GBP2: variants seen among roughly 807,000 people sequenced by gnomAD.
GBP2 encodes guanylate binding protein 2, also known as guanylate-binding protein 2.
GBP2 carries 54 observed loss-of-function variants against 60.8 expected under a neutral mutation model. That is an observed-to-expected ratio of 0.89 (90% CI 0.71 to 1.11). GBP2 has a LOEUF of 1.11. GBP2 is among the 50% of genes most tolerant of loss of function. GBP2 has a pLI of 0.00. For missense variants in GBP2, 665 were observed against 703.3 expected, an observed-to-expected ratio of 0.95 and a Z score of 0.62; for synonymous variants, 243 against 256.5, an observed-to-expected ratio of 0.95 and a Z score of 0.50.
At chr1:89,123,341 T>C (rs1681450136) in intron 1 of GBP2, among the ~76,000 whole-genome samples, 1 of 152,218 alleles carries the variant, frequency 6.6e-6, no homozygotes, top group African/African-American at 2.4e-5. Context: ...AGCACATGAA[T>C]ACACACATCT....
At chr1:89,120,009 T>G (rs1476422600) in intron 4 of GBP2, 170 bp downstream of exon 4, 2 of 582,268 alleles carry the variant, frequency 3.4e-6, no homozygotes, top group African/African-American at 3.8e-5. Context: ...TGGGAAGACT[T>G]GAAGTTCAGA....
chr1:89,120,359 A>C (rs112381077), intron 3 of GBP2, 71 bp from the exon 4 acceptor site: 1 of 1,193,346 alleles, frequency 8.4e-7, no homozygotes, highest in Non-Finnish European at 1.3e-6. Context: ...ATAGCTGAAG[A>C]CTGACTGAAC....
rs1429297015 is a variant in GBP2, at chr1:89,112,697, A to G, written c.1150-13T>C. 5 of 1,595,934 alleles carry G rather than the reference A, an allele frequency of 3.1e-6. No individual in the cohort carries two copies. The African/African-American group carries it at 4.0e-5, about 13-fold the overall frequency. On this transcript the variant is annotated splice_polypyrimidine_tract_variant and intron_variant, in intron 7 of 10. Transcript: ENST00000370466. ...CTTCCAACTGGGCCTGTGAAGTGAC[A>G]AAACAGCACAGATGTTTCAGTAAAG... is the stretch of plus-strand genomic sequence containing the variant.
In GBP2 at chr1:89,126,110, A is replaced by C. The variant is rs1054322398; in HGVS notation, c.-265T>G. 3 of 152,248 alleles carry C rather than the reference A, an allele frequency of 2.0e-5. No homozygotes were observed. Among genetic ancestry groups the C allele is most frequent in the Non-Finnish European group, 4.4e-5 (3 of 68,044 alleles). The allele number at this position is 152,248 out of a possible 1,614,324, so 9.4% of individuals were successfully genotyped here. On this transcript the variant is annotated 5_prime_UTR_variant, in exon 1 of 11. In the 5' UTR this introduces an upstream ATG that the reference lacks. Coordinates refer to ENST00000370466, the MANE Select transcript of GBP2 (RefSeq NM_004120.5). ...GGTAACCTCTGCAAAGAAATGCACT[A>C]ATATGAAACAAAGTATCAACTAAAG... is the stretch of plus-strand genomic sequence containing the variant.
At position 89,125,873 on chromosome 1, in the gene GBP2, G is replaced by A. The variant is rs1408040351; in HGVS notation, c.-28C>T. 1 of 152,202 alleles carries A rather than the reference G, an allele frequency of 6.6e-6. No individual in the cohort carries two copies. Among genetic ancestry groups the A allele is most frequent in the Non-Finnish European group, 1.5e-5 (1 of 68,046 alleles). The allele number at this position is 152,202 out of a possible 1,614,324, so 9.4% of individuals were successfully genotyped here. A position where few individuals can be genotyped will look rare whatever the true frequency, so the allele number is the denominator to read the frequency against. ...CTGCCCCAGTCTTACCCAGATCAGA[G>A]ATCCTTTAGCACTGGAAAGAAGGTT... On this transcript the variant is annotated 5_prime_UTR_variant, in exon 1 of 11. Coordinates refer to ENST00000370466, the MANE Select transcript of GBP2 (RefSeq NM_004120.5).
rs1179237760 is a variant in GBP2, at chr1:89,117,664, G to A, written c.538C>T (p.Leu180Phe). 9 of 1,614,072 alleles carry A rather than the reference G, an allele frequency of 5.6e-6. No individual in the cohort carries two copies. The highest frequency in any genetic ancestry group is 7.6e-6 in the Non-Finnish European group (9 of 1,179,972). ...VSFFPAFVWT[L>F]RDFTLELEVD... ...TCCAGTTCCAGGGTGAAATCTCTGA[G>A]AGTCCACACAAATGCTGGAAAAAAG... is the stretch of plus-strand genomic sequence containing the variant. The change falls in exon 5 of 11, where the codon CTC (leucine) becomes TTC (phenylalanine). Residue 180 changes from leucine to phenylalanine, a missense_variant. By Grantham distance (22) the Leu-to-Phe change is conservative (BLOSUM62 0). Coordinates refer to ENST00000370466, the MANE Select transcript of GBP2 (RefSeq NM_004120.5).
intron 7 of GBP2, 143 bp from the exon 8 acceptor site, chr1:89,112,827 G>C: frequency 1.6e-6 from 1 of 634,116 alleles, no homozygotes. Flanking sequence ...TTAGATCCTA[G>C]AATATCCCTA....
At chr1:89,110,350 G>T in intron 8 of GBP2, 84 bp from the exon 9 acceptor site, 1 of 962,860 alleles carries the variant, frequency 1.0e-6, no homozygotes, top group South Asian at 1.4e-5. Flanking sequence ...TCTACCCAGA[G>T]GAAAATAAGT....
At position 89,118,359 on chromosome 1, in the gene GBP2, C is replaced by T. The variant is rs201130600; in HGVS notation, c.429-586G>A. On this transcript the variant is annotated intron_variant, in intron 4 of 10. Coordinates refer to ENST00000370466, the MANE Select transcript of GBP2 (RefSeq NM_004120.5). Reference sequence around the variant, plus strand: ...GACAGAGATCACAGACCCTTCAAGGCCCTTAGATAGGAAATTACTGAGTGT... The same window carrying T: ...GACAGAGATCACAGACCCTTCAAGGTCCTTAGATAGGAAATTACTGAGTGT... 3.3e-5 allele frequency: 5 copies of T among 152,236 alleles called. No individual in the cohort carries two copies. The East Asian group carries it at 9.6e-4, about 29-fold the overall frequency. 9.4% of individuals were successfully genotyped at this position (152,236 alleles called of 1,614,324 possible). A position where few individuals can be genotyped will look rare whatever the true frequency, so the allele number is the denominator to read the frequency against.
At chr1:89,121,379 C>T (rs1681393802) in intron 2 of GBP2, 109 bp from the exon 3 acceptor site, 1 of 966,684 alleles carries the variant, frequency 1.0e-6, no homozygotes, top group Non-Finnish European at 1.5e-6. Flanking sequence ...GAAAATACAA[C>T]TGGCATAAAT....
At chr1:89,108,529 C>T (rs1681098619) in intron 10 of GBP2, among the ~76,000 whole-genome samples, 1 of 152,176 alleles carries the variant, frequency 6.6e-6, no homozygotes, top group African/African-American at 2.4e-5. Context: ...ACCATTTGCA[C>T]TCATGCAACA....
intron 8 of GBP2, among the ~76,000 whole-genome samples, chr1:89,110,959 T>C (rs1681154297): frequency 6.6e-6 from 1 of 152,220 alleles, no homozygotes; most frequent in East Asian, 1.9e-4. Flanking sequence ...TCACTCATCA[T>C]GACCAAGTGG....
chr1:89,113,845 A>T (rs1332840057), intron 7 of GBP2, among the ~76,000 whole-genome samples, 171 bp downstream of exon 7: 4 of 152,198 alleles, frequency 2.6e-5, no homozygotes, highest in Non-Finnish European at 5.9e-5. Context: ...TTAGTAAAAA[A>T]TTAGGTGTCT....
At chr1:89,110,506 C>A (rs1191898119) in intron 8 of GBP2, among the ~76,000 whole-genome samples, 2 of 152,080 alleles carry the variant, frequency 1.3e-5, no homozygotes, top group Admixed American at 6.5e-5. Flanking sequence ...AATACCCCCC[C>A]ACACACACCA....
intron 7 of GBP2, among the ~76,000 whole-genome samples, chr1:89,113,388 C>T (rs1024748766): frequency 1.3e-5 from 2 of 152,150 alleles, no homozygotes; most frequent in Admixed American, 6.5e-5. Context: ...CTCTTTCCTC[C>T]TTAGGTTGGA....
chr1:89,122,838 T>A (rs7532145), intron 1 of GBP2, among the ~76,000 whole-genome samples: 1 of 152,206 alleles, frequency 6.6e-6, no homozygotes, highest in Non-Finnish European at 1.5e-5. Context: ...GCTTATAACT[T>A]ACTGTGATGT....
rs541035430 is a variant in GBP2 at position 89,109,160 on chromosome 1, G to C, written c.1659+517C>G. ...TCCGCCCCCGTCGGCCTCCCAAAGTGCTAGGATTACAGGTGTGAGCCACTG... is the reference window on the plus strand; with the variant it reads ...TCCGCCCCCGTCGGCCTCCCAAAGTCCTAGGATTACAGGTGTGAGCCACTG... On this transcript the variant is annotated intron_variant, in intron 10 of 10. Transcript: ENST00000370466. Among the ~76,000 whole-genome samples the C allele has an allele frequency of 6.2e-4, 94 of 152,212 alleles. 1 individual carries two copies. The highest frequency in any genetic ancestry group is 2.1e-3 in the African/African-American group (87 of 41,516).
chr1:89,109,963 A>C (rs1381784853), intron 9 of GBP2, 93 bp from the exon 10 acceptor site: 27 of 1,233,206 alleles, frequency 2.2e-5, no homozygotes, highest in Middle Eastern at 2.3e-4. Flanking sequence ...TTATCCTTAC[A>C]TCATTGAGAA....
intron 8 of GBP2, among the ~76,000 whole-genome samples, chr1:89,110,793 A>G (rs925336509): frequency 7.2e-5 from 11 of 152,208 alleles, no homozygotes; most frequent in African/African-American, 2.2e-4. Flanking sequence ...AATCACCACT[A>G]AAGAACTTAT....
Sources: allele counts gnomAD v4.1 joint callset (sites outside exome capture counted in the v4.1 genomes callset), GRCh38; gene constraint gnomAD v4.1.1; transcripts MANE v1.5; gene names NCBI Gene and HGNC (gene_info 2026-07-23, HGNC 2026-07-21).